The following DPP6 variants were observed in gnomAD, a reference collection of about 807,000 sequenced individuals.
DPP6 encodes dipeptidyl peptidase like 6, also known as A-type potassium channel modulatory protein DPP6.
A neutral mutation model predicts 122.6 loss-of-function variants in DPP6; 69 were observed. The observed-to-expected ratio is 0.56, with a 90% CI of 0.46 to 0.69. The LOEUF is 0.69. DPP6 is among the 30% of genes least tolerant of loss of function. DPP6 has a pLI of 0.00. For synonymous variants in DPP6, 418 were observed against 433.1 expected, an observed-to-expected ratio of 0.97 and a Z score of 0.43; for missense variants, 928 against 1,116.9, an observed-to-expected ratio of 0.83 and a Z score of 2.41.
chr7:154,633,268 G>A (rs201885925), intron 5 of DPP6, among the ~76,000 whole-genome samples: 4 of 151,010 alleles, frequency 2.6e-5, no homozygotes, highest in East Asian at 1.9e-4. Flanking sequence ...ATGAAGTCTC[G>A]CTCTGTGGCC....
At chr7:154,367,986 T>G (rs977258720) in intron 1 of DPP6, among the ~76,000 whole-genome samples, 1 of 152,096 alleles carries the variant, frequency 6.6e-6, no homozygotes, top group African/African-American at 2.4e-5. Context: ...TTTTGTATTT[T>G]TAGTAGAGAC....
chr7:154,769,313 G>A, intron 8 of DPP6, 104 bp from the exon 9 acceptor site: 1 of 1,480,114 alleles, frequency 6.8e-7, no homozygotes, highest in Non-Finnish European at 9.3e-7. Context: ...AAGGGGCTCT[G>A]CAGGGACTCG....
chr7:154,618,983 T>G lies in DPP6; in HGVS notation c.628-18838T>G, dbSNP rs924434003. ...GCAGGTTTTTCCCATGCTGTTCTCG[T>G]GAGAGTAAATGAGTCTTACAAGATC... On this transcript the variant is annotated intron_variant, in intron 5 of 25. Coordinates refer to ENST00000377770, the MANE Select transcript of DPP6 (RefSeq NM_130797.4). The surrounding 1 kb of genome is among the most constrained non-coding windows in gnomAD (Gnocchi z 4.1). Among the ~76,000 whole-genome samples the G allele has an allele frequency of 6.6e-6, 1 of 152,154 alleles. No homozygotes were observed. Among genetic ancestry groups the G allele is most frequent in the East Asian group, 1.9e-4 (1 of 5,192 alleles).
the DPP6 span, among the ~76,000 whole-genome samples, chr7:153,848,114 A>G: frequency 5.9e-5 from 9 of 152,142 alleles, no homozygotes; most frequent in Non-Finnish European, 1.2e-4. Context: ...CTCAGACATC[A>G]AGGATGCCAT....
chr7:154,447,411 A>C (rs1206862602), intron 2 of DPP6, among the ~76,000 whole-genome samples: 1 of 152,188 alleles, frequency 6.6e-6, no homozygotes, highest in African/African-American at 2.4e-5. Flanking sequence ...GTAGATGCCT[A>C]TTTGTGCAGG....
At chr7:153,856,925 G>T in the DPP6 span, among the ~76,000 whole-genome samples, 1 of 152,160 alleles carries the variant, frequency 6.6e-6, no homozygotes, top group South Asian at 2.1e-4. Context: ...AAGTCAGGGT[G>T]ATTTGTGGAG....
At position 154,313,729 on chromosome 7, in the gene DPP6, G is replaced by GCACA. The variant is rs200018112; in HGVS notation, c.244-132465_244-132462dup. On this transcript the variant is annotated intron_variant, in intron 1 of 25. Coordinates refer to ENST00000377770, the MANE Select transcript of DPP6 (RefSeq NM_130797.4). ...TATATATATATACACACACACGCAC[G>GCACA]CACACACACACACACACACACACCC... is the stretch of plus-strand genomic sequence containing the variant. 5.0e-5 allele frequency among the ~76,000 whole-genome samples: 3 copies of GCACA among 59,678 alleles called. 1 individual carries two copies. The highest frequency in any genetic ancestry group is 1.1e-4 in the Non-Finnish European group (3 of 26,398). The allele number at this position is 59,678 out of a possible 152,430, so 39.2% of individuals were successfully genotyped here. A position where few individuals can be genotyped will look rare whatever the true frequency, so the allele number is the denominator to read the frequency against.
At chr7:154,602,118 A>G (rs1009512676) in intron 5 of DPP6, among the ~76,000 whole-genome samples, 2 of 119,486 alleles carry the variant, frequency 1.7e-5, no homozygotes, top group Non-Finnish European at 3.8e-5. Flanking sequence ...ATTTATTTTC[A>G]CTGTTGGATT....
chr7:154,662,657 A>G lies in DPP6; in HGVS notation c.681-6703A>G, dbSNP rs1264033679. 6.4e-4 allele frequency among the ~76,000 whole-genome samples: 77 copies of G among 119,668 alleles called. 4 individuals carry two copies. Among genetic ancestry groups the G allele is most frequent in the East Asian group, 1.4e-3 (5 of 3,636 alleles). 78.5% of individuals were successfully genotyped at this position (119,668 alleles called of 152,430 possible). ...ATGGCGTATCGGCCATAGTGTTCAT[A>G]TAGTCATGGTGAATCACCATGGCGT... On this transcript the variant is annotated intron_variant, in intron 6 of 25. Transcript: ENST00000377770.
At chr7:153,802,167 C>T in the DPP6 span, among the ~76,000 whole-genome samples, 2 of 152,146 alleles carry the variant, frequency 1.3e-5, no homozygotes, top group Non-Finnish European at 2.9e-5. Context: ...GTGGGGCACA[C>T]CTAAATCTAA....
intron 3 of DPP6, among the ~76,000 whole-genome samples, chr7:154,520,864 T>G (rs908838155): frequency 9.2e-5 from 14 of 152,154 alleles, no homozygotes; most frequent in Non-Finnish European, 2.9e-5. Flanking sequence ...GACATCAAAA[T>G]TATCAGTAAC....
chr7:153,918,850 A>C (rs1183722505), intron 1 of DPP6, among the ~76,000 whole-genome samples: 2 of 151,666 alleles, frequency 1.3e-5, no homozygotes, highest in African/African-American at 4.8e-5. Flanking sequence ...ATGGTGGTGC[A>C]TGCCTGTAAT....
At chr7:154,131,846 A>C (rs1448589947) in intron 1 of DPP6, among the ~76,000 whole-genome samples, 2 of 152,168 alleles carry the variant, frequency 1.3e-5, no homozygotes, top group Non-Finnish European at 2.9e-5. Context: ...AACTCAACAT[A>C]AATTCTAATT....
At chr7:154,063,670 C>T (rs1339147788) in intron 1 of DPP6, among the ~76,000 whole-genome samples, 5 of 144,244 alleles carry the variant, frequency 3.5e-5, no homozygotes, top group African/African-American at 5.3e-5. Context: ...GCTTAGGACC[C>T]CCATCCCAGC....
intron 1 of DPP6, among the ~76,000 whole-genome samples, chr7:154,363,304 CTA>C (rs1382146391): frequency 8.5e-5 from 13 of 152,266 alleles, no homozygotes; most frequent in Middle Eastern, 6.8e-3. Flanking sequence ...TCCAGAAGTG[CTA>C]TGAGTTACTA....
chr7:154,651,499 A>C (rs932132549), intron 6 of DPP6, among the ~76,000 whole-genome samples: 1 of 152,136 alleles, frequency 6.6e-6, no homozygotes, highest in African/African-American at 2.4e-5. Context: ...CAAAACCCCA[A>C]GCAGTTAGCT....
intron 1 of DPP6, among the ~76,000 whole-genome samples, chr7:154,182,593 A>C (rs1798147668): frequency 6.6e-6 from 1 of 152,170 alleles, no homozygotes; most frequent in Admixed American, 6.5e-5. Context: ...GGCAGCCAGC[A>C]CTGCTCACAC....
chr7:154,010,078 A>G (rs1295682994), intron 1 of DPP6, among the ~76,000 whole-genome samples: 1 of 152,166 alleles, frequency 6.6e-6, no homozygotes, highest in African/African-American at 2.4e-5. Context: ...GAAGGTTTGT[A>G]AGTATTTGAC....
chr7:154,301,610 C>G (rs1039687693), intron 1 of DPP6, among the ~76,000 whole-genome samples: 1 of 152,048 alleles, frequency 6.6e-6, no homozygotes, highest in African/African-American at 2.4e-5. Context: ...TAGTTTTGAT[C>G]TCCAATGAAA....
Sources: gnomAD v4.1 joint callset for allele counts (sites outside exome capture counted in the v4.1 genomes callset) on GRCh38, gnomAD v4.1.1 for gene constraint, Gnocchi (gnomAD v3.1) non-coding constraint, MANE v1.5 for transcripts, NCBI Gene and HGNC (gene_info 2026-07-23, HGNC 2026-07-21) for gene names.